The following CNTNAP2 variants were observed in gnomAD, a reference collection of about 807,000 sequenced individuals.
CNTNAP2 encodes contactin-associated protein-like 2.
In CNTNAP2, 98 loss-of-function variants were observed where a neutral mutation model predicts 155.2. The ratio of observed to expected loss-of-function variants is 0.63; its 90% CI spans 0.54 to 0.75. The LOEUF (loss-of-function observed/expected upper bound fraction) is 0.75. Among genes scored for constraint, CNTNAP2 ranks in the 30% least tolerant of loss-of-function variants. CNTNAP2 has a pLI of 0.00. For synonymous variants in CNTNAP2, 651 were observed against 631.2 expected (o/e 1.03, Z -0.47); for missense variants, 1,727 against 1,688.1 (o/e 1.02, Z -0.40).
At chr7:147,324,391 A>T (rs1795412649) in intron 9 of CNTNAP2, among the ~76,000 whole-genome samples, 1 of 152,122 alleles carries the variant, frequency 6.6e-6, no homozygotes, top group Non-Finnish European at 1.5e-5. Flanking sequence ...AAGCATTTTT[A>T]TTTTTTGCAA....
chr7:147,672,581 T>A (rs1290618877), intron 13 of CNTNAP2: 1 of 151,816 alleles, frequency 6.6e-6, no homozygotes. Flanking sequence ...AAAGACCTTT[T>A]GCAAAAGTGA....
At chr7:146,287,207 T>TG (rs1486224518) in intron 1 of CNTNAP2, among the ~76,000 whole-genome samples, 1 of 152,190 alleles carries the variant, frequency 6.6e-6, no homozygotes, top group African/African-American at 2.4e-5. Flanking sequence ...TTGATCTTCC[T>TG]GGGGAGTGGG....
intron 8 of CNTNAP2, among the ~76,000 whole-genome samples, chr7:147,228,584 A>G (rs1803602317): frequency 6.6e-6 from 1 of 152,206 alleles, no homozygotes; most frequent in African/African-American, 2.4e-5. Context: ...ATACTATTTA[A>G]GTAACGAAAT....
chr7:147,551,923 G>C (rs573116622), intron 11 of CNTNAP2, among the ~76,000 whole-genome samples: 16 of 152,240 alleles, frequency 1.1e-4, no homozygotes, highest in African/African-American at 3.4e-4. Flanking sequence ...AAGACATTCA[G>C]ATTATTATGG....
At chr7:146,164,479 T>C (rs1411441819) in intron 1 of CNTNAP2, among the ~76,000 whole-genome samples, 1 of 152,190 alleles carries the variant, frequency 6.6e-6, no homozygotes, top group Non-Finnish European at 1.5e-5. Flanking sequence ...TGATAAATTG[T>C]AGAGTTTATT....
intron 15 of CNTNAP2, among the ~76,000 whole-genome samples, chr7:148,085,310 T>A (rs1319488979): frequency 6.6e-6 from 1 of 152,242 alleles, no homozygotes; most frequent in Admixed American, 6.5e-5. Context: ...AGAAAAATGA[T>A]GATTCTTAAG....
In CNTNAP2 at chr7:148,265,992, G is replaced by A. The variant is rs1329589852; in HGVS notation, c.3382-1041G>A. ...TTGCTCATCTGAAGGACAGTTTTTT[G>A]CCTAATCAGGCCCAGTTTGAGCAAG... On this transcript the variant is annotated intron_variant, in intron 20 of 23. Transcript: ENST00000361727. Among the ~76,000 whole-genome samples, 4 of 152,178 alleles carry A rather than the reference G, an allele frequency of 2.6e-5. No individual in the cohort carries two copies. The East Asian group carries it at 5.8e-4, about 22-fold the overall frequency.
intron 21 of CNTNAP2, among the ~76,000 whole-genome samples, chr7:148,270,526 G>A (rs1462615256): frequency 6.6e-6 from 1 of 152,156 alleles, no homozygotes; most frequent in African/African-American, 2.4e-5. Flanking sequence ...GACCAAGAAA[G>A]CATCTCATAG....
chr7:147,084,397 T>C (rs1426384928), intron 4 of CNTNAP2, among the ~76,000 whole-genome samples: 1 of 112,814 alleles, frequency 8.9e-6, no homozygotes, highest in African/African-American at 3.4e-5. Flanking sequence ...ATGCTATATA[T>C]GTATATATAA....
chr7:146,875,811 T>C (rs1033153059), intron 3 of CNTNAP2, among the ~76,000 whole-genome samples: 6 of 150,758 alleles, frequency 4.0e-5, no homozygotes, highest in African/African-American at 7.3e-5. Context: ...TTTGGGAGGT[T>C]ACAGCAGAAG....
At chr7:146,259,169 T>C (rs1170630460) in intron 1 of CNTNAP2, among the ~76,000 whole-genome samples, 1 of 152,216 alleles carries the variant, frequency 6.6e-6, no homozygotes, top group East Asian at 1.9e-4. Context: ...TCCTGAGGCC[T>C]CCCCAATCAT....
Position 146,691,859 on chromosome 7 carries a change from TG to T in CNTNAP2, c.98-82409del, listed in dbSNP as rs375160361. On this transcript the variant is annotated intron_variant, in intron 1 of 23. Coordinates refer to ENST00000361727, the MANE Select transcript of CNTNAP2 (RefSeq NM_014141.6). Reference sequence around the variant, plus strand: ...CAACAGTGTTCAGAGATGTATAAAATGGGCAAATTCAGTGACTACTTTGAAC... The same window carrying T: ...CAACAGTGTTCAGAGATGTATAAAATGGCAAATTCAGTGACTACTTTGAAC... 1.2e-3 allele frequency among the ~76,000 whole-genome samples: 182 copies of T among 152,216 alleles called. 2 individuals are homozygous for T. The highest frequency in any genetic ancestry group is 4.1e-3 in the African/African-American group (170 of 41,570).
chr7:146,755,240 A>C (rs1310638003), intron 1 of CNTNAP2, among the ~76,000 whole-genome samples: 2 of 152,026 alleles, frequency 1.3e-5, no homozygotes, highest in Non-Finnish European at 2.9e-5. Flanking sequence ...TGCTGGGCAT[A>C]AAAACTCAGA....
chr7:146,710,841 A>G (rs1204887100), intron 1 of CNTNAP2, among the ~76,000 whole-genome samples: 1 of 152,084 alleles, frequency 6.6e-6, no homozygotes, highest in East Asian at 1.9e-4. Flanking sequence ...ATTTCAAGAT[A>G]AGGGGCTAGT....
chr7:146,422,379 C>T (rs1796025955), intron 1 of CNTNAP2, among the ~76,000 whole-genome samples: 1 of 142,956 alleles, frequency 7.0e-6, no homozygotes, highest in Non-Finnish European at 1.5e-5. Context: ...ATATGTTAGC[C>T]ATTTAAGTCA....
At chr7:147,941,601 C>G (rs1051468951) in intron 14 of CNTNAP2, among the ~76,000 whole-genome samples, 7 of 152,148 alleles carry the variant, frequency 4.6e-5, no homozygotes, top group Admixed American at 1.3e-4. Context: ...ACAAACATGT[C>G]GATTCTCTTC....
At chr7:147,042,433 G>A (rs868277959) in intron 3 of CNTNAP2, among the ~76,000 whole-genome samples, 15 of 152,192 alleles carry the variant, frequency 9.9e-5, no homozygotes, top group Middle Eastern at 3.4e-3. Context: ...ATTTCGGAGC[G>A]CAGGAATTTG....
intron 9 of CNTNAP2, among the ~76,000 whole-genome samples, chr7:147,388,577 C>CTT (rs71527809): frequency 6.6e-5 from 10 of 151,292 alleles, no homozygotes; most frequent in South Asian, 2.1e-4. Context: ...TTCATTCTGT[C>CTT]TTTTTTTTTC....
chr7:147,732,181 T>TCCCCCC (rs199519152), intron 13 of CNTNAP2, among the ~76,000 whole-genome samples: 5 of 108,532 alleles, frequency 4.6e-5, no homozygotes, highest in Non-Finnish European at 8.7e-5. Flanking sequence ...ATGCTATCCC[T>TCCCCCC]CCCCCCCCCA....
Sources: allele counts gnomAD v4.1 joint callset (sites outside exome capture counted in the v4.1 genomes callset), GRCh38; gene constraint gnomAD v4.1.1; transcripts MANE v1.5; gene names NCBI Gene and HGNC (gene_info 2026-07-23, HGNC 2026-07-21).